LRRC69: variants seen among roughly 807,000 people sequenced by gnomAD.
The protein encoded by LRRC69 is leucine-rich repeat-containing protein 69.
A neutral mutation model predicts 37.8 loss-of-function variants in LRRC69; 42 were observed. The observed-to-expected ratio is 1.11, with a 90% CI of 0.87 to 1.44. The LOEUF (loss-of-function observed/expected upper bound fraction) is 1.44, where lower values mean the gene tolerates loss of function less well. LRRC69 is among the 40% of genes most tolerant of loss of function. LRRC69 has a pLI of 0.00. For missense variants in LRRC69, 357 were observed against 401.9 expected (o/e 0.89, Z 0.96); for synonymous variants, 141 against 143.1 (o/e 0.99, Z 0.11).
intron 5 of LRRC69, among the ~76,000 whole-genome samples, chr8:91,153,122 A>T (rs1033769150): frequency 6.6e-6 from 1 of 151,312 alleles, no homozygotes; most frequent in Non-Finnish European, 1.5e-5. Context: ...ATCAAAAAAG[A>T]AAAGGGCAGT....
intron 5 of LRRC69, among the ~76,000 whole-genome samples, chr8:91,161,739 C>T (rs775886616): frequency 4.6e-5 from 7 of 150,800 alleles, no homozygotes; most frequent in Non-Finnish European, 7.4e-5. Context: ...TTTAAATTTG[C>T]TTTTTATTCT....
At chr8:91,178,563 A>G (rs1809274633) in intron 5 of LRRC69, among the ~76,000 whole-genome samples, 3 of 152,198 alleles carry the variant, frequency 2.0e-5, no homozygotes, top group Admixed American at 2.0e-4. Context: ...GTCATGTACT[A>G]GACAACATTA....
intron 5 of LRRC69, among the ~76,000 whole-genome samples, chr8:91,159,773 A>T (rs1427372801): frequency 1.3e-5 from 2 of 151,336 alleles, no homozygotes; most frequent in African/African-American, 4.8e-5. Context: ...AAATATTAAC[A>T]TCTTTCTCAA....
intron 5 of LRRC69, among the ~76,000 whole-genome samples, chr8:91,165,616 T>C (rs1809013798): frequency 6.6e-6 from 1 of 151,780 alleles, no homozygotes; most frequent in Admixed American, 6.6e-5. Flanking sequence ...TCTATGTGCA[T>C]CTCTGTCATG....
At chr8:91,152,802 C>T (rs927428624) in intron 5 of LRRC69, among the ~76,000 whole-genome samples, 24 of 150,814 alleles carry the variant, frequency 1.6e-4, no homozygotes, top group African/African-American at 5.8e-4. Context: ...CTCTTATTTC[C>T]TTGAGCAGTG....
intron 5 of LRRC69, among the ~76,000 whole-genome samples, chr8:91,169,066 A>C (rs1809079117): frequency 6.6e-6 from 1 of 152,024 alleles, no homozygotes; most frequent in Non-Finnish European, 1.5e-5. Flanking sequence ...AGGAAGCAAC[A>C]AAATGCTTGG....
At chr8:91,140,293 C>G (rs930041333) in intron 5 of LRRC69, among the ~76,000 whole-genome samples, 3 of 151,748 alleles carry the variant, frequency 2.0e-5, no homozygotes, top group African/African-American at 7.3e-5. Flanking sequence ...TGAGACATAC[C>G]AAATTATTTA....
chr8:91,171,608 A>G (rs905202413), intron 5 of LRRC69, among the ~76,000 whole-genome samples: 2 of 152,040 alleles, frequency 1.3e-5, no homozygotes, highest in Non-Finnish European at 2.9e-5. Context: ...TAGCCCTGGG[A>G]AGATCATATC....
chr8:91,211,594 A>AT (rs1809920356), intron 7 of LRRC69, among the ~76,000 whole-genome samples: 1 of 113,630 alleles, frequency 8.8e-6, no homozygotes, highest in Non-Finnish European at 2.1e-5. Context: ...GCAATTATAC[A>AT]AATATATATA....
In LRRC69 at chr8:91,179,136, C is replaced by T. The variant is rs117610830; in HGVS notation, c.652-10386C>T. 2.6e-5 allele frequency among the ~76,000 whole-genome samples: 4 copies of T among 152,238 alleles called. No individual in the cohort carries two copies. The East Asian group carries it at 7.7e-4, about 29-fold the overall frequency. On this transcript the variant is annotated intron_variant, in intron 5 of 7. Transcript: ENST00000448384. ...ATTGCACTTAAACAGTGTATTAGGCCATTCTTGCATTGCTATAAATAAATA... is the reference window on the plus strand; with the variant it reads ...ATTGCACTTAAACAGTGTATTAGGCTATTCTTGCATTGCTATAAATAAATA...
chr8:91,175,393 C>T (rs898834891), intron 5 of LRRC69, among the ~76,000 whole-genome samples: 8 of 152,124 alleles, frequency 5.3e-5, no homozygotes, highest in South Asian at 4.1e-4. Flanking sequence ...ATAACTTCAA[C>T]GTGCACATAG....
At chr8:91,128,228 G>A (rs1467087520) in intron 3 of LRRC69, among the ~76,000 whole-genome samples, 1 of 151,906 alleles carries the variant, frequency 6.6e-6, no homozygotes, top group Non-Finnish European at 1.5e-5. Flanking sequence ...TAACTACTTT[G>A]AACTGCTGCC....
chr8:91,180,707 G>T (rs1308278656), intron 5 of LRRC69, among the ~76,000 whole-genome samples: 1 of 152,112 alleles, frequency 6.6e-6, no homozygotes, highest in Non-Finnish European at 1.5e-5. Flanking sequence ...GGAAGATGAA[G>T]GCAGGGAAAA....
rs545573011 is a variant in LRRC69 at position 91,203,556 on chromosome 8, C to CT, written c.933+2772dup. Among the ~76,000 whole-genome samples the CT allele has an allele frequency of 5.3e-3, 797 of 151,012 alleles. 4 individuals are homozygous for CT. The highest frequency in any genetic ancestry group is 9.8e-3 in the Non-Finnish European group (666 of 67,686). On this transcript the variant is annotated intron_variant, in intron 7 of 7. Coordinates refer to ENST00000448384, the Ensembl canonical transcript of LRRC69. Reference sequence around the variant, plus strand: ...TACAGGTGGCCACCACCACACCTGGCTTTTTTTTGTGTGTGTATTTTTAGT... The same window carrying CT: ...TACAGGTGGCCACCACCACACCTGGCTTTTTTTTTGTGTGTGTATTTTTAGT...
intron 6 of LRRC69, among the ~76,000 whole-genome samples, chr8:91,190,470 C>A (rs1809475485): frequency 6.6e-6 from 1 of 151,898 alleles, no homozygotes. Context: ...ACTAAGAAAT[C>A]AAATTAATGC....
chr8:91,107,203 C>T (rs1010328180), intron 1 of LRRC69, among the ~76,000 whole-genome samples: 4 of 151,728 alleles, frequency 2.6e-5, no homozygotes, highest in African/African-American at 4.8e-5. Context: ...GGCGTGATCT[C>T]GGCTCACTGC....
chr8:91,184,651 G>A (rs1809375523), intron 5 of LRRC69, among the ~76,000 whole-genome samples: 1 of 152,148 alleles, frequency 6.6e-6, no homozygotes, highest in Non-Finnish European at 1.5e-5. Context: ...AAAACCTTCT[G>A]GTTATTGAAT....
At chr8:91,189,494 C>T (rs1474552436) in intron 5 of LRRC69, 28 bp from the exon 6 acceptor site, 2 of 1,388,678 alleles carry the variant, frequency 1.4e-6, no homozygotes, top group Middle Eastern at 1.8e-4. Flanking sequence ...TTTTGTTGTG[C>T]AATAAGGTTT....
rs371820635 is a variant in LRRC69 at position 91,173,199 on chromosome 8, G to A, written c.652-16323G>A. ...AGTAGGTAGTCTAGTCCACAGAGCTGCTTGGTCCTGAGAGAGTATAGTAAT... is the reference window on the plus strand; with the variant it reads ...AGTAGGTAGTCTAGTCCACAGAGCTACTTGGTCCTGAGAGAGTATAGTAAT... On this transcript the variant is annotated intron_variant, in intron 5 of 7. Coordinates refer to ENST00000448384, the Ensembl canonical transcript of LRRC69. 4.6e-5 allele frequency among the ~76,000 whole-genome samples: 7 copies of A among 152,064 alleles called. No homozygotes were observed. The East Asian group carries it at 7.7e-4, about 17-fold the overall frequency.
Sources: gnomAD v4.1 joint callset for allele counts (sites outside exome capture counted in the v4.1 genomes callset) on GRCh38, gnomAD v4.1.1 for gene constraint, MANE v1.5 for transcripts, NCBI Gene and HGNC (gene_info 2026-07-23, HGNC 2026-07-21) for gene names.